Variants in PRTFDC1 observed in about 807,000 individuals in gnomAD.
PRTFDC1 encodes phosphoribosyltransferase domain-containing protein 1.
PRTFDC1 carries 38 observed loss-of-function variants against 34.6 expected under a neutral mutation model. The ratio of observed to expected loss-of-function variants is 1.10; its 90% CI spans 0.85 to 1.44. The LOEUF (loss-of-function observed/expected upper bound fraction) is 1.44, where lower values mean the gene tolerates loss of function less well. Ranked by LOEUF, PRTFDC1 falls within the 40% of genes most tolerant of loss-of-function variation. The pLI is 0.00. For missense variants in PRTFDC1, 270 were observed against 283.0 expected (o/e 0.95, Z 0.33); for synonymous variants, 93 against 98.1 (o/e 0.95, Z 0.31).
At position 24,938,632 on chromosome 10, in the gene PRTFDC1, G is replaced by A. The variant is rs568717197; in HGVS notation, c.156-1265C>T. Among the ~76,000 whole-genome samples the A allele has an allele frequency of 7.9e-5, 12 of 152,292 alleles. No individual in the cohort carries two copies. In the South Asian group the frequency reaches 1.7e-3, roughly 21 times the overall value. ...TCACCGCTGAGCAGTGCACTGGCAG[G>A]CTGGCTGGGGATTTGATAGGAAGTT... On this transcript the variant is annotated intron_variant, in intron 2 of 8. Transcript: ENST00000320152.
intron 3 of PRTFDC1, among the ~76,000 whole-genome samples, chr10:24,934,451 C>T (rs1849019622): frequency 6.6e-6 from 1 of 152,154 alleles, no homozygotes; most frequent in Admixed American, 6.5e-5. Context: ...ATCCCCTCCT[C>T]CCTTTAGGAA....
At chr10:24,854,936 G>T (rs1284676929) in intron 7 of PRTFDC1, among the ~76,000 whole-genome samples, 1 of 152,192 alleles carries the variant, frequency 6.6e-6, no homozygotes, top group Non-Finnish European at 1.5e-5. Flanking sequence ...TGACTGGTGA[G>T]AATAGAGGCC....
chr10:24,913,687 A>G (rs1415560629), intron 3 of PRTFDC1, among the ~76,000 whole-genome samples: 1 of 152,234 alleles, frequency 6.6e-6, no homozygotes, highest in Non-Finnish European at 1.5e-5. Context: ...CTCAGATTAT[A>G]TAGTCAGAAA....
rs188940170 is a variant in PRTFDC1, at chr10:24,934,844, T to C, written c.339+2340A>G. Reference sequence around the variant, plus strand: ...TGTGTCACAGGTTACTTGTCACTCATATTTGGCTCAGAATAAATCTGTTGA... The same window carrying C: ...TGTGTCACAGGTTACTTGTCACTCACATTTGGCTCAGAATAAATCTGTTGA... On this transcript the variant is annotated intron_variant, in intron 3 of 8. Coordinates refer to ENST00000320152, the MANE Select transcript of PRTFDC1 (RefSeq NM_020200.7). Among the ~76,000 whole-genome samples the C allele has an allele frequency of 3.3e-5, 5 of 152,348 alleles. No individual in the cohort carries two copies. In the East Asian group the frequency reaches 7.7e-4, roughly 23 times the overall value.
intron 3 of PRTFDC1, among the ~76,000 whole-genome samples, chr10:24,917,750 T>C (rs1253933187): frequency 6.6e-6 from 1 of 152,146 alleles, no homozygotes; most frequent in Non-Finnish European, 1.5e-5. Context: ...TCCTTTTCAG[T>C]GGGGGAGTCC....
chr10:24,873,530 C>A (rs1478895019), intron 3 of PRTFDC1, among the ~76,000 whole-genome samples: 1 of 152,188 alleles, frequency 6.6e-6, no homozygotes, highest in Non-Finnish European at 1.5e-5. Flanking sequence ...GGACAGCTGT[C>A]ACTTTTGCTA....
At chr10:24,908,758 C>CA in intron 3 of PRTFDC1, 3 of 1,487,328 alleles carry the variant, frequency 2.0e-6, no homozygotes, top group Non-Finnish European at 2.7e-6. Context: ...TCAGCCTGAT[C>CA]AACCCTAGCG....
At chr10:24,924,307 A>G (rs2132588207) in intron 3 of PRTFDC1, among the ~76,000 whole-genome samples, 1 of 152,320 alleles carries the variant, frequency 6.6e-6, no homozygotes, top group South Asian at 2.1e-4. Flanking sequence ...AGAGAACACC[A>G]CAAAGATACT....
intron 3 of PRTFDC1, among the ~76,000 whole-genome samples, chr10:24,916,713 T>G (rs1294807522): frequency 2.6e-5 from 4 of 152,202 alleles, no homozygotes; most frequent in Admixed American, 6.5e-5. Context: ...ACTCTGTCTC[T>G]TTTTCTCCAC....
At chr10:24,852,291 G>A (rs1191821603) in intron 7 of PRTFDC1, among the ~76,000 whole-genome samples, 1 of 151,896 alleles carries the variant, frequency 6.6e-6, no homozygotes, top group African/African-American at 2.4e-5. Context: ...TAGCTGGGAA[G>A]ACAGACGTGT....
chr10:24,873,820 C>G (rs1847917442), intron 3 of PRTFDC1, among the ~76,000 whole-genome samples: 1 of 151,098 alleles, frequency 6.6e-6, no homozygotes, highest in Non-Finnish European at 1.5e-5. Context: ...GCCAAACCAC[C>G]AGTAGGACAG....
At chr10:24,861,898 C>T (rs559740273) in intron 4 of PRTFDC1, among the ~76,000 whole-genome samples, 308 of 152,068 alleles carry the variant, frequency 2.0e-3, no homozygotes, top group African/African-American at 7.3e-3. Context: ...CTCAGCCTCC[C>T]AGAGTGCTAG....
At chr10:24,927,076 C>T (rs757913527) in intron 3 of PRTFDC1, among the ~76,000 whole-genome samples, 2 of 152,082 alleles carry the variant, frequency 1.3e-5, no homozygotes, top group Admixed American at 6.5e-5. Context: ...GCTTTGGTTT[C>T]ACTTTAAAAA....
At chr10:24,944,732 A>G (rs10764513) in intron 1 of PRTFDC1, among the ~76,000 whole-genome samples, 89,893 of 152,080 alleles carry the variant, frequency 0.59, 26,966 homozygotes, top group Middle Eastern at 0.73. Flanking sequence ...GCAGTGAGCT[A>G]TGACTGTGCC....
intron 2 of PRTFDC1, among the ~76,000 whole-genome samples, chr10:24,941,356 T>C (rs1452070444): frequency 6.7e-6 from 1 of 148,854 alleles, no homozygotes; most frequent in Non-Finnish European, 1.5e-5. Context: ...TACCCAGCCC[T>C]GTAAATTACA....
At position 24,952,244 on chromosome 10, in the gene PRTFDC1, G is replaced by C. The variant is rs1480053090; in HGVS notation, c.48+284C>G. Among the ~76,000 whole-genome samples the C allele has an allele frequency of 2.0e-5, 3 of 152,174 alleles. No homozygotes were observed. Among genetic ancestry groups the C allele is most frequent in the Non-Finnish European group, 4.4e-5 (3 of 68,030 alleles). On this transcript the variant is annotated intron_variant, in intron 1 of 8. Coordinates refer to ENST00000320152, the MANE Select transcript of PRTFDC1 (RefSeq NM_020200.7). The surrounding 1 kb of genome is among the most constrained non-coding windows in gnomAD (Gnocchi z 5.1). ...CGACTCCCCGTGGCTCGCGGGGATG[G>C]GGACGGCTGGGCGCCGGCGGGACGC...
At chr10:24,886,350 A>G (rs1848163157) in intron 3 of PRTFDC1, among the ~76,000 whole-genome samples, 2 of 152,302 alleles carry the variant, frequency 1.3e-5, no homozygotes, top group Admixed American at 6.5e-5. Flanking sequence ...ACCCCAATTT[A>G]AGTAACCTGG....
intron 3 of PRTFDC1, among the ~76,000 whole-genome samples, chr10:24,931,882 C>A: frequency 6.8e-6 from 1 of 147,264 alleles, no homozygotes. Flanking sequence ...CAATATAAGC[C>A]TGATACCAGA....
intron 3 of PRTFDC1, among the ~76,000 whole-genome samples, chr10:24,927,872 G>A (rs138820194): frequency 6.6e-6 from 1 of 152,202 alleles, no homozygotes; most frequent in Non-Finnish European, 1.5e-5. Context: ...GTGAGCTATT[G>A]CACCCGGCAC....
Sources: allele counts gnomAD v4.1 joint callset (sites outside exome capture counted in the v4.1 genomes callset), GRCh38; gene constraint gnomAD v4.1.1; non-coding constraint Gnocchi (gnomAD v3.1); transcripts MANE v1.5; gene names NCBI Gene and HGNC (gene_info 2026-07-23, HGNC 2026-07-21).